PID1: variants seen among roughly 807,000 people sequenced by gnomAD.
The protein encoded by PID1 is PTB-containing, cubilin and LRP1-interacting protein.
A neutral mutation model predicts 19.1 loss-of-function variants in PID1; 10 were observed. The observed-to-expected ratio is 0.52, with a 90% CI of 0.32 to 0.89. The LOEUF (loss-of-function observed/expected upper bound fraction) is 0.89. Ranked by LOEUF, PID1 falls within the 40% of genes least tolerant of loss-of-function variation. The pLI is 0.03. For missense variants in PID1, 248 were observed against 285.3 expected (o/e 0.87, Z 0.94); for synonymous variants, 130 against 116.0 (o/e 1.12, Z -0.78).
chr2:229,240,154 C>T (rs938690054), intron 1 of PID1, among the ~76,000 whole-genome samples: 11 of 151,994 alleles, frequency 7.2e-5, no homozygotes, highest in Admixed American at 5.9e-4. Flanking sequence ...AGATACATTG[C>T]TAATTATTTT....
At chr2:229,260,108 A>T (rs1690416464) in intron 1 of PID1, among the ~76,000 whole-genome samples, 1 of 152,158 alleles carries the variant, frequency 6.6e-6, no homozygotes, top group Non-Finnish European at 1.5e-5. Flanking sequence ...TATATTTCTG[A>T]TCAAAAAGCA....
intron 1 of PID1, among the ~76,000 whole-genome samples, chr2:229,174,723 G>GAAAAAAA (rs11295094): frequency 7.7e-6 from 1 of 130,004 alleles, no homozygotes; most frequent in Non-Finnish European, 1.6e-5. Context: ...AATGCATGAA[G>GAAAAAAA]AAAAAAAAAA....
At position 229,045,326 on chromosome 2, in the gene PID1, A is replaced by G. The variant is rs146390504; in HGVS notation, c.178-19218T>C. Among the ~76,000 whole-genome samples the G allele has an allele frequency of 6.0e-3, 921 of 152,364 alleles. 12 individuals carry two copies. Among genetic ancestry groups the G allele is most frequent in the African/African-American group, 0.021 (865 of 41,584 alleles). On this transcript the variant is annotated intron_variant, in intron 2 of 2. Transcript: ENST00000392055. ...GGTCTATTGGTGAATAAGTGATAAT[A>G]GTTGATTAATAATAATTTCAATTAA...
chr2:229,144,767 C>T (rs1161204375), intron 2 of PID1, among the ~76,000 whole-genome samples: 1 of 152,030 alleles, frequency 6.6e-6, no homozygotes, highest in Non-Finnish European at 1.5e-5. Context: ...TAATTACGAT[C>T]ACTTCTTCAA....
intron 1 of PID1, among the ~76,000 whole-genome samples, chr2:229,193,569 A>G (rs1174932843): frequency 6.6e-6 from 1 of 152,182 alleles, no homozygotes; most frequent in East Asian, 1.9e-4. Flanking sequence ...CCACATGTAA[A>G]GACAAAGGAC....
At chr2:229,097,263 G>T (rs966848486) in intron 2 of PID1, among the ~76,000 whole-genome samples, 1 of 152,198 alleles carries the variant, frequency 6.6e-6, no homozygotes, top group South Asian at 2.1e-4. Flanking sequence ...CCCTCGCCCC[G>T]TCTTACATAT....
chr2:229,060,099 C>T (rs1006087526), intron 2 of PID1, among the ~76,000 whole-genome samples: 1 of 152,038 alleles, frequency 6.6e-6, no homozygotes. Flanking sequence ...TTCACAAAAC[C>T]ATCACCAGGC....
At chr2:229,078,887 T>A (rs1694614479) in intron 2 of PID1, among the ~76,000 whole-genome samples, 1 of 152,114 alleles carries the variant, frequency 6.6e-6, no homozygotes, top group Non-Finnish European at 1.5e-5. Context: ...TCAGCTGCTT[T>A]GCAATGGAAA....
intron 2 of PID1, among the ~76,000 whole-genome samples, chr2:229,144,601 C>T (rs7566501): frequency 0.44 from 66,688 of 151,850 alleles, 15,091 homozygotes; most frequent in South Asian, 0.57. Flanking sequence ...AGTAACTATA[C>T]TAGCAAAACG....
chr2:229,244,200 CA>C (rs1209297797), intron 1 of PID1, among the ~76,000 whole-genome samples: 2 of 152,146 alleles, frequency 1.3e-5, no homozygotes, highest in Non-Finnish European at 2.9e-5. Context: ...TAATGTGACA[CA>C]AGACAAACCA....
chr2:229,045,005 G>C (rs1693845830), intron 2 of PID1, among the ~76,000 whole-genome samples: 1 of 152,006 alleles, frequency 6.6e-6, no homozygotes, highest in African/African-American at 2.4e-5. Flanking sequence ...CTAGGCTGGA[G>C]TGCAATGGTA....
Position 229,271,110 on chromosome 2 carries a change from G to GCTGGGGTCCCGCTTTACAT in PID1, c.-86_-68dup. ...TGTCGATCGCGCCGGGGGGCGAGGG[G>GCTGGGGTCCCGCTTTACAT]CTGGGGTCCCGCTTTACATCTGGGG... On this transcript the variant is annotated 5_prime_UTR_variant, in exon 1 of 3. In the 5' UTR this introduces an upstream ATG that the reference lacks. Transcript: ENST00000392055. 6.6e-7 allele frequency: 1 copy of GCTGGGGTCCCGCTTTACAT among 1,506,942 alleles called. No individual in the cohort carries two copies. The highest frequency in any genetic ancestry group is 1.4e-5 in the African/African-American group (1 of 71,556). The allele number at this position is 1,506,942 out of a possible 1,614,324, so 93.3% of individuals were successfully genotyped here.
At chr2:229,248,034 A>G (rs548664716) in intron 1 of PID1, among the ~76,000 whole-genome samples, 3 of 151,394 alleles carry the variant, frequency 2.0e-5, no homozygotes, top group Non-Finnish European at 4.4e-5. Flanking sequence ...ACCCACATGC[A>G]TTTGAGAGTA....
Position 229,113,527 on chromosome 2 carries a change from T to A in PID1, c.177+42291A>T, listed in dbSNP as rs945828343. Among the ~76,000 whole-genome samples, 24 of 146,910 alleles carry A rather than the reference T, an allele frequency of 1.6e-4. 1 individual carries two copies. The East Asian group carries it at 2.2e-3, about 14-fold the overall frequency. On this transcript the variant is annotated intron_variant, in intron 2 of 2. Transcript: ENST00000392055. ...GTGTATACATATATATATATATATA[T>A]AAATACATAACCATCAGTGTCACTT...
chr2:229,077,675 G>A (rs1046154420), intron 2 of PID1, among the ~76,000 whole-genome samples: 9 of 152,184 alleles, frequency 5.9e-5, no homozygotes, highest in African/African-American at 2.2e-4. Flanking sequence ...TGTAAGGTTT[G>A]TCAAAGATCA....
chr2:229,026,092 T>C lies in PID1; in HGVS notation c.194A>G (p.Lys65Arg). ...HSGCKVTYLG[K>R]VSTTGMQFLS... ...AAACTGCATGCCAGTGGTGGAGACT[T>C]TGCCCAGGTAGGTAACCTGCAGATG... The change falls in exon 3 of 3, where the codon AAA (lysine) becomes AGA (arginine). Residue 65 changes from lysine (K) to arginine (R), a missense_variant. Transcript: ENST00000392055. 4 of 1,613,572 alleles carry C rather than the reference T, an allele frequency of 2.5e-6. No individual in the cohort carries two copies. Among genetic ancestry groups the C allele is most frequent in the Non-Finnish European group, 3.4e-6 (4 of 1,179,560 alleles).
chr2:229,097,592 A>G (rs999244767), intron 2 of PID1, among the ~76,000 whole-genome samples: 1 of 152,182 alleles, frequency 6.6e-6, no homozygotes, highest in Non-Finnish European at 1.5e-5. Flanking sequence ...ACAAATGTCA[A>G]TACTGAAAAA....
rs1693746780 is a variant in PID1 at position 229,040,351 on chromosome 2, A to G, written c.178-14243T>C. On this transcript the variant is annotated intron_variant, in intron 2 of 2. Transcript: ENST00000392055. ...AACAAACAAACAAACAAACAAAGTA[A>G]AAAAAATTGTTTTGTGTAAGCAAGT... is the stretch of plus-strand genomic sequence containing the variant. Among the ~76,000 whole-genome samples, 7 of 152,236 alleles carry G rather than the reference A, an allele frequency of 4.6e-5. No individual in the cohort carries two copies. The South Asian group carries it at 1.2e-3, about 27-fold the overall frequency.
At chr2:229,264,237 G>A (rs982809960) in intron 1 of PID1, among the ~76,000 whole-genome samples, 3 of 152,116 alleles carry the variant, frequency 2.0e-5, no homozygotes, top group Non-Finnish European at 2.9e-5. Context: ...ATTTCTTTTG[G>A]AGGAGTGGAC....
Sources: allele counts gnomAD v4.1 joint callset (sites outside exome capture counted in the v4.1 genomes callset), GRCh38; gene constraint gnomAD v4.1.1; transcripts MANE v1.5; gene names NCBI Gene and HGNC (gene_info 2026-07-23, HGNC 2026-07-21).